PPFIBP1: variants seen among roughly 807,000 people sequenced by gnomAD.
The protein encoded by PPFIBP1 is liprin-beta-1.
In PPFIBP1, 112 loss-of-function variants were observed where a neutral mutation model predicts 137.8. The observed-to-expected ratio is 0.81, with a 90% confidence interval of 0.70 to 0.95. The LOEUF is 0.95. PPFIBP1 is among the 40% of genes least tolerant of loss of function. PPFIBP1 has a pLI of 0.00. For missense variants in PPFIBP1, 1,083 were observed against 1,196.6 expected (o/e 0.91, Z 1.40); for synonymous variants, 378 against 417.3 (o/e 0.91, Z 1.15).
At chr12:27,609,861 G>A (rs2054905041) in intron 2 of PPFIBP1, among the ~76,000 whole-genome samples, 1 of 152,162 alleles carries the variant, frequency 6.6e-6, no homozygotes, top group Admixed American at 6.5e-5. Flanking sequence ...GGGTATCCAT[G>A]GAGAAGAGGG....
chr12:27,598,536 A>ATC (rs1235328282), intron 2 of PPFIBP1, among the ~76,000 whole-genome samples: 2 of 131,566 alleles, frequency 1.5e-5, no homozygotes, highest in African/African-American at 6.0e-5. Context: ...ATTCTCTATA[A>ATC]TCTGTGTGTG....
At chr12:27,628,394 G>A (rs7974256) in intron 2 of PPFIBP1, among the ~76,000 whole-genome samples, 48,588 of 152,036 alleles carry the variant, frequency 0.32, 8,374 homozygotes, top group Middle Eastern at 0.39. Context: ...GCCCAGGCTT[G>A]TCTCAAACTC....
rs147908162 is a variant in PPFIBP1 at position 27,663,684 on chromosome 12, A to G, written c.907-678A>G. Reference sequence around the variant, plus strand: ...GGTGAAACCCCATCTCTACAAAAATACAAAAATGAGCTGGGCATAGTGGTG... The same window carrying G: ...GGTGAAACCCCATCTCTACAAAAATGCAAAAATGAGCTGGGCATAGTGGTG... On this transcript the variant is annotated intron_variant, in intron 11 of 29. Transcript: ENST00000228425. Among the ~76,000 whole-genome samples the G allele has an allele frequency of 1.2e-3, 184 of 152,216 alleles. 1 individual carries two copies. Among genetic ancestry groups the G allele is most frequent in the African/African-American group, 4.2e-3 (176 of 41,540 alleles).
intron 19 of PPFIBP1, chr12:27,678,025 TAGA>T (rs1432405662): frequency 2.0e-5 from 3 of 152,228 alleles, no homozygotes; most frequent in African/African-American, 7.2e-5. Flanking sequence ...GCATCTTTCT[TAGA>T]AGAACTGTTT....
chr12:27,651,273 C>CT (rs77860364), intron 7 of PPFIBP1, among the ~76,000 whole-genome samples: 2,351 of 141,244 alleles, frequency 0.017, 39 homozygotes, highest in East Asian at 0.11. Context: ...ATGTTTTAAT[C>CT]TTTTTTTTTT....
chr12:27,540,997 A>G (rs1300253466), intron 1 of PPFIBP1, among the ~76,000 whole-genome samples: 1 of 152,016 alleles, frequency 6.6e-6, no homozygotes, highest in Non-Finnish European at 1.5e-5. Flanking sequence ...TATTTTTGTT[A>G]GTGATATGGA....
At chr12:27,530,461 C>G (rs1034330884) in intron 1 of PPFIBP1, among the ~76,000 whole-genome samples, 13 of 152,090 alleles carry the variant, frequency 8.5e-5, no homozygotes, top group Admixed American at 6.5e-4. Context: ...TCCTCCACCC[C>G]CATCAATGTG....
At chr12:27,549,532 G>T (rs1946554469) in intron 1 of PPFIBP1, 1 of 149,334 alleles carries the variant, frequency 6.7e-6, no homozygotes, top group African/African-American at 2.5e-5. Context: ...AATAATTGTT[G>T]TTGGGAAAGA....
At chr12:27,602,844 T>C (rs936340175) in intron 2 of PPFIBP1, among the ~76,000 whole-genome samples, 3 of 152,236 alleles carry the variant, frequency 2.0e-5, no homozygotes, top group African/African-American at 7.2e-5. Flanking sequence ...TGACTGCCTG[T>C]GTATAGATAG....
rs933530286 is a variant in PPFIBP1, at chr12:27,661,824, G to A, written c.906+879G>A. 5.3e-5 allele frequency among the ~76,000 whole-genome samples: 8 copies of A among 151,370 alleles called. No individual in the cohort carries two copies. The East Asian group carries it at 5.8e-4, about 11-fold the overall frequency. On this transcript the variant is annotated intron_variant, in intron 11 of 29. Transcript: ENST00000228425. ...TTATCTCCTTGTTTATTTTTGCCTC[G>A]CATTCTCTTTATTTGCTCTTTATTG...
intron 11 of PPFIBP1, among the ~76,000 whole-genome samples, chr12:27,661,396 C>T (rs6487631): frequency 0.99 from 151,410 of 152,318 alleles, 75,263 homozygotes; most frequent in East Asian, 1. Flanking sequence ...TCTGCTCTCC[C>T]GAGAGATTAA....
intron 2 of PPFIBP1, among the ~76,000 whole-genome samples, chr12:27,624,081 G>A (rs568196164): frequency 6.6e-6 from 1 of 152,150 alleles, no homozygotes; most frequent in African/African-American, 2.4e-5. Flanking sequence ...CAAAGAAGAG[G>A]GTCCAAGCAG....
chr12:27,677,002 T>A, intron 18 of PPFIBP1, 62 bp from the exon 19 acceptor site: 2 of 1,612,222 alleles, frequency 1.2e-6, no homozygotes, highest in South Asian at 2.2e-5. Context: ...TTTCATTTTG[T>A]CATCTCTGTG....
At chr12:27,579,520 A>G (rs1188107191) in intron 2 of PPFIBP1, among the ~76,000 whole-genome samples, 1 of 152,194 alleles carries the variant, frequency 6.6e-6, no homozygotes, top group Non-Finnish European at 1.5e-5. Context: ...AGAATCATAC[A>G]GTGAATATTC....
Position 27,660,895 on chromosome 12 carries a change from C to CA in PPFIBP1, c.862dup (p.Met288AsnfsTer13). On this transcript the variant is annotated frameshift_variant, in exon 11 of 30. Transcript: ENST00000228425. LOFTEE classifies it high-confidence loss of function. ...GATGTTATTTTCAGACATCGAAGTA[C>CA]AAAAAATGAAAAAAGCTGTGGAGTC... 1 of 1,612,380 alleles carries CA rather than the reference C, an allele frequency of 6.2e-7. No individual in the cohort carries two copies. Among genetic ancestry groups the CA allele is most frequent in the Non-Finnish European group, 8.5e-7 (1 of 1,179,280 alleles).
rs576480690 is a variant in PPFIBP1, at chr12:27,579,017, C to A, written c.-36+778C>A. ...TAGATGCTTTTCCTGGCATGGATGT[C>A]AATAAGAGATTGGAACCTTCTGGAT... On this transcript the variant is annotated intron_variant, in intron 2 of 29. Transcript: ENST00000228425. 2.1e-4 allele frequency among the ~76,000 whole-genome samples: 32 copies of A among 152,286 alleles called. 1 individual carries two copies. The highest frequency in any genetic ancestry group is 6.7e-4 in the African/African-American group (28 of 41,560).
intron 19 of PPFIBP1, among the ~76,000 whole-genome samples, chr12:27,678,878 A>AC (rs2060704759): frequency 6.8e-6 from 1 of 146,016 alleles, no homozygotes; most frequent in Non-Finnish European, 1.5e-5. Flanking sequence ...AAAAAAAAAA[A>AC]AAACATTTAA....
intron 1 of PPFIBP1, among the ~76,000 whole-genome samples, chr12:27,542,929 G>T (rs1192365451): frequency 1.3e-5 from 2 of 152,170 alleles, no homozygotes; most frequent in Non-Finnish European, 2.9e-5. Context: ...TCATGGAGTT[G>T]TTACTTGCCT....
chr12:27,589,557 G>T (rs1170248371), intron 2 of PPFIBP1, among the ~76,000 whole-genome samples: 3 of 152,208 alleles, frequency 2.0e-5, no homozygotes, highest in Non-Finnish European at 4.4e-5. Flanking sequence ...GGTATGGAAA[G>T]CTTACTTTAC....
Sources: allele counts gnomAD v4.1 joint callset (sites outside exome capture counted in the v4.1 genomes callset), GRCh38; gene constraint gnomAD v4.1.1; transcripts MANE v1.5; gene names NCBI Gene and HGNC (gene_info 2026-07-23, HGNC 2026-07-21).